The following EEA1 variants were observed in gnomAD, a reference collection of about 807,000 sequenced individuals.
The protein encoded by EEA1 is early endosome antigen 1, also known as early endosome antigen 1, 162kD.
A neutral mutation model predicts 209.2 loss-of-function variants in EEA1; 111 were observed. That is an observed-to-expected ratio of 0.53 (90% CI 0.45 to 0.62). The LOEUF (loss-of-function observed/expected upper bound fraction) is 0.62. Ranked by LOEUF, EEA1 falls within the 20% of genes least tolerant of loss-of-function variation. The pLI, the probability that EEA1 is intolerant of heterozygous loss-of-function variation, is 0.00. For missense variants in EEA1, 1,343 were observed against 1,530.8 expected (o/e 0.88, Z 2.05); for synonymous variants, 536 against 540.6 (o/e 0.99, Z 0.12).
intron 3 of EEA1, chr12:92,858,443 T>C: frequency 8.2e-7 from 1 of 1,225,232 alleles, no homozygotes; most frequent in Non-Finnish European, 1.2e-6. Flanking sequence ...CTGAAGGTGT[T>C]CATCTTGACA....
chr12:92,870,081 T>G (rs1878572066), intron 2 of EEA1, among the ~76,000 whole-genome samples: 1 of 152,154 alleles, frequency 6.6e-6, no homozygotes, highest in South Asian at 2.1e-4. Flanking sequence ...GCCACTGCAC[T>G]TTTTGCAAAT....
Position 92,891,640 on chromosome 12 carries a change from T to C in EEA1, c.106A>G (p.Ser36Gly). ...TATTATTTTCATACCTCTGAAGAGC[T>C]TTCATTATTGACGTCCACTGTGTTT... is the stretch of plus-strand genomic sequence containing the variant. The part of the protein sequence containing the change: ...PINTVDVNNE[S>G]SSEGFICPQC... The change falls in exon 2 of 29, where the codon AGC becomes GGC. Residue 36 changes from serine (S) to glycine (G), a missense_variant. Coordinates refer to ENST00000322349, the MANE Select transcript of EEA1 (RefSeq NM_003566.4). 6.2e-7 allele frequency: 1 copy of C among 1,601,804 alleles called. No homozygotes were observed. The highest frequency in any genetic ancestry group is 1.1e-5 in the South Asian group (1 of 87,488).
In EEA1 at chr12:92,848,837, A is replaced by G. The variant is rs1032045757; in HGVS notation, c.798+2274T>C. Among the ~76,000 whole-genome samples, 41 of 147,238 alleles carry G rather than the reference A, an allele frequency of 2.8e-4. 2 individuals are homozygous for G. ...AGCCTCAACCTTTTGGGCTCAAGCA[A>G]TCCTCTCACCTCAGCTTCCCACCTA... On this transcript the variant is annotated intron_variant, in intron 9 of 28. Coordinates refer to ENST00000322349, the MANE Select transcript of EEA1 (RefSeq NM_003566.4).
At chr12:92,921,994 T>C (rs1881028703) in intron 1 of EEA1, among the ~76,000 whole-genome samples, 1 of 152,144 alleles carries the variant, frequency 6.6e-6, no homozygotes, top group South Asian at 2.1e-4. Flanking sequence ...CTGTTTCTAT[T>C]CCCTTACTTC....
In EEA1 at chr12:92,807,592, G is replaced by A. The variant is rs540881868; in HGVS notation, c.2339+1425C>T. Among the ~76,000 whole-genome samples, 7 of 151,982 alleles carry A rather than the reference G, an allele frequency of 4.6e-5. No homozygotes were observed. In the South Asian group the frequency reaches 1.5e-3, roughly 32 times the overall value. The stretch of plus-strand genomic sequence containing the variant: ...AAAAAGTAAATTGAGCAAGGTTATA[G>A]GCAGAAAAGTCAATATATATTTAAA... On this transcript the variant is annotated intron_variant, in intron 18 of 28. Coordinates refer to ENST00000322349, the MANE Select transcript of EEA1 (RefSeq NM_003566.4).
chr12:92,908,842 G>T (rs936457006), intron 1 of EEA1, among the ~76,000 whole-genome samples: 1 of 151,946 alleles, frequency 6.6e-6, no homozygotes, highest in South Asian at 2.1e-4. Context: ...TTTTTTTCCT[G>T]AGACAGAGTC....
intron 25 of EEA1, among the ~76,000 whole-genome samples, chr12:92,778,739 T>G (rs1873769628): frequency 6.6e-6 from 1 of 152,068 alleles, no homozygotes; most frequent in African/African-American, 2.4e-5. Context: ...TCATCATAAT[T>G]TCAAACTCAA....
At chr12:92,903,642 C>G (rs1408386759) in intron 1 of EEA1, among the ~76,000 whole-genome samples, 1 of 150,988 alleles carries the variant, frequency 6.6e-6, no homozygotes, top group Non-Finnish European at 1.5e-5. Context: ...TATGATACAT[C>G]TATTGTGAGA....
intron 13 of EEA1, among the ~76,000 whole-genome samples, chr12:92,822,182 A>T (rs1266867553): frequency 1.3e-5 from 2 of 151,852 alleles, no homozygotes; most frequent in Non-Finnish European, 2.9e-5. Flanking sequence ...CCTCTCCCCC[A>T]ATATCCTTAA....
chr12:92,905,916 ATT>A (rs1491357067), intron 1 of EEA1, among the ~76,000 whole-genome samples: 23 of 141,882 alleles, frequency 1.6e-4, no homozygotes. Context: ...ATATATATAT[ATT>A]TTTAATAGGC....
intron 10 of EEA1, among the ~76,000 whole-genome samples, chr12:92,840,436 C>T (rs1275839703): frequency 1.3e-5 from 2 of 152,164 alleles, no homozygotes; most frequent in African/African-American, 4.8e-5. Flanking sequence ...CCTCAGCCTC[C>T]TAAGTAGCTG....
intron 1 of EEA1, among the ~76,000 whole-genome samples, chr12:92,905,056 A>T (rs936885579): frequency 6.6e-6 from 1 of 151,838 alleles, no homozygotes; most frequent in African/African-American, 2.4e-5. Flanking sequence ...CAAGTCCCCA[A>T]CCTGAAGCTA....
intron 9 of EEA1, among the ~76,000 whole-genome samples, chr12:92,847,579 A>G (rs1877437281): frequency 6.6e-6 from 1 of 152,248 alleles, no homozygotes; most frequent in Admixed American, 6.5e-5. Context: ...TACAAATATT[A>G]CAACACACAA....
At chr12:92,892,793 A>AT (rs1004172916) in intron 1 of EEA1, among the ~76,000 whole-genome samples, 4 of 151,638 alleles carry the variant, frequency 2.6e-5, no homozygotes, top group African/African-American at 9.7e-5. Flanking sequence ...GTGCAGCTAA[A>AT]TTTTTTTTGT....
At position 92,776,868 on chromosome 12, in the gene EEA1, T is replaced by C; in HGVS notation, c.4089A>G (p.Lys1363=). ...NEVQNCMACG[K]GFSVTVRRHH... ...CCCGTCTCACTGTTACTGAAAAGCC[T>C]TTCCCACAGGCCATACAGTTTTGTA... Residue 1363 remains lysine, a synonymous_variant, in exon 28 of 29, where the codon AAA becomes AAG. Coordinates refer to ENST00000322349, the MANE Select transcript of EEA1 (RefSeq NM_003566.4). 6.2e-7 allele frequency: 1 copy of C among 1,611,898 alleles called. No individual in the cohort carries two copies. The highest frequency in any genetic ancestry group is 1.3e-5 in the African/African-American group (1 of 74,964).
Position 92,852,966 on chromosome 12 carries a change from G to C in EEA1, c.466C>G (p.Gln156Glu). The change falls in exon 7 of 29, where the codon CAA becomes GAA. Residue 156 changes from glutamine to glutamate, a missense_variant. Physicochemically the swap from Gln to Glu is conservative, Grantham distance 29. Around this residue, in one of 3 missense-constraint regions of EEA1, gnomAD observed 1,307 missense variants for 1,465.5 expected, o/e 0.89. Transcript: ENST00000322349. ...EAQTENFNIK[Q>E]MKDLFEQKAA... ...TTCTGTTCAAATAAGTCTTTCATTT[G>C]CTTAATATTAAAATTTTCTGTTTGG... The C allele has an allele frequency of 6.2e-7, 1 of 1,611,954 alleles. No individual in the cohort carries two copies. The highest frequency in any genetic ancestry group is 8.5e-7 in the Non-Finnish European group (1 of 1,179,094).
In EEA1 at chr12:92,771,120, G is replaced by C. The variant is rs1197089685; in HGVS notation, c.*4891C>G. Reference sequence around the variant, plus strand: ...GTTTGAATAATTATTATCATGGCAGGATATATACTATTAACTACATTCAAG... The same window carrying C: ...GTTTGAATAATTATTATCATGGCAGCATATATACTATTAACTACATTCAAG... On this transcript the variant is annotated 3_prime_UTR_variant, in exon 29 of 29. Coordinates refer to ENST00000322349, the MANE Select transcript of EEA1 (RefSeq NM_003566.4). 1 of 151,842 alleles carries C rather than the reference G, an allele frequency of 6.6e-6. No individual in the cohort carries two copies. The highest frequency in any genetic ancestry group is 1.9e-4 in the East Asian group (1 of 5,188). 9.4% of individuals were successfully genotyped at this position (151,842 alleles called of 1,614,324 possible).
At chr12:92,851,401 C>A in intron 8 of EEA1, 135 bp from the exon 9 acceptor site, 1 of 815,304 alleles carries the variant, frequency 1.2e-6, no homozygotes, top group Non-Finnish European at 1.9e-6. Flanking sequence ...AAACATTGAA[C>A]ACTGATATCT....
chr12:92,892,509 G>A (rs765353916), intron 1 of EEA1, among the ~76,000 whole-genome samples: 3 of 149,972 alleles, frequency 2.0e-5, no homozygotes, highest in Non-Finnish European at 3.0e-5. Flanking sequence ...AGAAGATGCA[G>A]AACTAAAATG....
Sources: allele counts gnomAD v4.1 joint callset (sites outside exome capture counted in the v4.1 genomes callset), GRCh38; gene constraint gnomAD v4.1.1; regional missense constraint gnomAD v4.1.1; transcripts MANE v1.5; gene names NCBI Gene and HGNC (gene_info 2026-07-23, HGNC 2026-07-21).